The following TENM2 variants were observed in gnomAD, a reference collection of about 807,000 sequenced individuals.
TENM2 encodes teneurin transmembrane protein 2.
Under a neutral mutation model 245.2 loss-of-function variants are expected in TENM2, and 52 were observed. The ratio of observed to expected loss-of-function variants is 0.21; its 90% CI spans 0.17 to 0.27. The LOEUF (loss-of-function observed/expected upper bound fraction) is 0.27, where lower values mean the gene tolerates loss of function less well. TENM2 is among the 10% of genes least tolerant of loss of function. TENM2 has a pLI of 1.00. For missense variants in TENM2, 3,046 were observed against 3,666.8 expected, an observed-to-expected ratio of 0.83 and a Z score of 4.37; for synonymous variants, 1,363 against 1,438.9, an observed-to-expected ratio of 0.95 and a Z score of 1.19.
intron 2 of TENM2, among the ~76,000 whole-genome samples, chr5:167,406,716 A>C (rs917060304): frequency 7.2e-5 from 11 of 152,142 alleles, no homozygotes; most frequent in African/African-American, 2.7e-4. Context: ...AGCAAGATTA[A>C]AATCTAGACA....
intron 1 of TENM2, chr5:167,306,527 CACAA>C (rs1755688446): frequency 1.3e-5 from 2 of 151,960 alleles, no homozygotes; most frequent in African/African-American, 4.8e-5. Flanking sequence ...GTCTGTTGTC[CACAA>C]ACCCACACAT....
chr5:167,566,242 A>G (rs1773900502), intron 2 of TENM2, among the ~76,000 whole-genome samples: 1 of 151,622 alleles, frequency 6.6e-6, no homozygotes. Context: ...AGTGGAAGGG[A>G]GCCGTTTAAA....
chr5:167,383,015 G>C (rs1401570915), intron 2 of TENM2, among the ~76,000 whole-genome samples: 1 of 152,006 alleles, frequency 6.6e-6, no homozygotes, highest in Admixed American at 6.6e-5. Context: ...TGTTAATTTG[G>C]GGTGGGGGGA....
intron 2 of TENM2, among the ~76,000 whole-genome samples, chr5:167,454,424 G>C (rs959461708): frequency 2.7e-5 from 4 of 150,834 alleles, no homozygotes; most frequent in African/African-American, 9.7e-5. Flanking sequence ...TTAAAACAGA[G>C]TTAAAAAAAT....
chr5:167,404,954 C>T (rs943208484), intron 2 of TENM2, among the ~76,000 whole-genome samples: 1 of 152,136 alleles, frequency 6.6e-6, no homozygotes, highest in Non-Finnish European at 1.5e-5. Flanking sequence ...CCACAACTGC[C>T]AGTCCTAAGC....
At chr5:167,473,093 C>T (rs969633039) in intron 2 of TENM2, among the ~76,000 whole-genome samples, 3 of 152,102 alleles carry the variant, frequency 2.0e-5, no homozygotes, top group Non-Finnish European at 4.4e-5. Context: ...TGACATTTGC[C>T]ATTTTCCCAG....
At chr5:167,897,953 G>A (rs531032046) in intron 3 of TENM2, among the ~76,000 whole-genome samples, 1 of 144,480 alleles carries the variant, frequency 6.9e-6, no homozygotes, top group East Asian at 2.1e-4. Flanking sequence ...ATTGGAAGCA[G>A]CATGAACTCC....
chr5:167,428,797 G>A (rs1264162093), intron 2 of TENM2, among the ~76,000 whole-genome samples: 3 of 152,120 alleles, frequency 2.0e-5, no homozygotes, highest in Admixed American at 1.3e-4. Context: ...AATCGAGGCC[G>A]AGCTCAGTGC....
At chr5:168,193,873 A>G (rs888700666) in intron 14 of TENM2, among the ~76,000 whole-genome samples, 1 of 152,226 alleles carries the variant, frequency 6.6e-6, no homozygotes, top group Non-Finnish European at 1.5e-5. Flanking sequence ...AGAGTCTAGC[A>G]TTGTGGTTAA....
intron 2 of TENM2, among the ~76,000 whole-genome samples, chr5:167,678,667 G>A (rs184901710): frequency 1.3e-5 from 2 of 152,172 alleles, no homozygotes; most frequent in Admixed American, 6.5e-5. Flanking sequence ...GAGTGAGTGT[G>A]TGGCTGAGTG....
chr5:167,667,610 AGAAG>A (rs1375135619), intron 2 of TENM2, among the ~76,000 whole-genome samples: 3 of 152,208 alleles, frequency 2.0e-5, no homozygotes, highest in Non-Finnish European at 2.9e-5. Context: ...TGGCCAGGAA[AGAAG>A]GAGGGAGGTT....
intron 12 of TENM2, among the ~76,000 whole-genome samples, chr5:168,140,788 C>T (rs541448085): frequency 6.6e-6 from 1 of 152,266 alleles, no homozygotes; most frequent in East Asian, 1.9e-4. Flanking sequence ...CTTCCTTATG[C>T]TGATAAAATT....
At chr5:167,819,068 G>T (rs1373102950) in intron 2 of TENM2, among the ~76,000 whole-genome samples, 1 of 152,032 alleles carries the variant, frequency 6.6e-6, no homozygotes, top group Non-Finnish European at 1.5e-5. Context: ...CTGTGTGTGT[G>T]TGTGTGTGTG....
At chr5:167,494,074 G>A (rs1768620975) in intron 2 of TENM2, among the ~76,000 whole-genome samples, 2 of 152,046 alleles carry the variant, frequency 1.3e-5, no homozygotes, top group African/African-American at 4.8e-5. Flanking sequence ...AGGATGGGTA[G>A]AATTTAATGA....
chr5:167,069,305 G>A, the TENM2 span, among the ~76,000 whole-genome samples: 12 of 152,230 alleles, frequency 7.9e-5, no homozygotes, highest in East Asian at 2.3e-3. Context: ...TGTAAGATAT[G>A]TAGTCTGGTG....
Position 167,312,797 on chromosome 5 carries a change from A to G in TENM2, c.226+27734A>G, listed in dbSNP as rs748293039. On this transcript the variant is annotated intron_variant, in intron 1 of 28. Coordinates refer to ENST00000518659, the Ensembl canonical transcript of TENM2. ...TGATGCTGCTCAAATTTGTTGGTCT[A>G]AACTGCAGTGTTCTCGGAGGGTTCA... Among the ~76,000 whole-genome samples, 20 of 151,942 alleles carry G rather than the reference A, an allele frequency of 1.3e-4. 1 individual carries two copies. The highest frequency in any genetic ancestry group is 2.6e-4 in the Non-Finnish European group (18 of 67,930).
chr5:167,895,592 T>C (rs766642756), intron 3 of TENM2, among the ~76,000 whole-genome samples: 1 of 152,240 alleles, frequency 6.6e-6, no homozygotes, highest in Non-Finnish European at 1.5e-5. Context: ...ACAGAGGTTC[T>C]CACTCTCAAA....
Position 167,755,458 on chromosome 5 carries a change from G to GAA in TENM2, c.503-120519_503-120518dup, listed in dbSNP as rs5873067. On this transcript the variant is annotated intron_variant, in intron 2 of 28. Coordinates refer to ENST00000518659, the Ensembl canonical transcript of TENM2. ...ATGATATCTGCCAGGTATTTCACCA[G>GAA]AAAAAAAAAATATGTGAAAATAAAT... is the stretch of plus-strand genomic sequence containing the variant. Among the ~76,000 whole-genome samples, 444 of 147,840 alleles carry GAA rather than the reference G, an allele frequency of 3.0e-3. 3 individuals carry two copies. The highest frequency in any genetic ancestry group is 8.5e-3 in the African/African-American group (343 of 40,316).
intron 2 of TENM2, among the ~76,000 whole-genome samples, chr5:167,452,654 A>T (rs1765652136): frequency 6.6e-6 from 1 of 151,712 alleles, no homozygotes; most frequent in African/African-American, 2.4e-5. Context: ...CTAGTTTAAC[A>T]CCTCTTTTAT....
Sources: allele counts gnomAD v4.1 joint callset (sites outside exome capture counted in the v4.1 genomes callset), GRCh38; gene constraint gnomAD v4.1.1; transcripts MANE v1.5; gene names NCBI Gene and HGNC (gene_info 2026-07-23, HGNC 2026-07-21).